Variants in MDN1 observed in about 807,000 individuals in gnomAD.
MDN1 encodes the protein midasin AAA ATPase 1, also known as midasin.
Under a neutral mutation model 669.2 loss-of-function variants are expected in MDN1, and 266 were observed. That is an observed-to-expected ratio of 0.40 (90% CI 0.36 to 0.44). The LOEUF (loss-of-function observed/expected upper bound fraction) is 0.44, where lower values mean the gene tolerates loss of function less well. Ranked by LOEUF, MDN1 falls within the 20% of genes least tolerant of loss-of-function variation. The pLI is 1.00. For synonymous variants in MDN1, 2,385 were observed against 2,457.1 expected (o/e 0.97, Z 0.87); for missense variants, 5,940 against 6,754.0 (o/e 0.88, Z 4.22).
At chr6:89,751,648 T>C in intron 22 of MDN1, 66 bp from the exon 23 acceptor site, 2 of 1,522,928 alleles carry the variant, frequency 1.3e-6, no homozygotes, top group South Asian at 2.5e-5. Context: ...GGGCATAAAG[T>C]AGGAAAACAG....
chr6:89,773,988 AG>A (rs1163303769), intron 13 of MDN1, among the ~76,000 whole-genome samples: 17 of 151,936 alleles, frequency 1.1e-4, no homozygotes, highest in African/African-American at 4.1e-4. Flanking sequence ...AAAAAAGAAA[AG>A]AAAAGAAAGA....
intron 73 of MDN1, among the ~76,000 whole-genome samples, chr6:89,682,177 G>A (rs1196330461): frequency 6.6e-6 from 1 of 152,170 alleles, no homozygotes; most frequent in South Asian, 2.1e-4. Flanking sequence ...AGCACATCAC[G>A]GCACATATTC....
chr6:89,691,286 G>T (rs1415677033), intron 63 of MDN1, among the ~76,000 whole-genome samples: 1 of 152,230 alleles, frequency 6.6e-6, no homozygotes. Context: ...AAACTGGAAT[G>T]TGTCTTACCA....
At chr6:89,670,752 G>A (rs139322355) in intron 83 of MDN1, among the ~76,000 whole-genome samples, 167 bp downstream of exon 83, 1 of 152,284 alleles carries the variant, frequency 6.6e-6, no homozygotes, top group East Asian at 1.9e-4. Flanking sequence ...TGGAAACAGC[G>A]TTAGCAAAAG....
intron 55 of MDN1, among the ~76,000 whole-genome samples, chr6:89,701,156 G>C (rs553171415): frequency 2.0e-5 from 3 of 152,160 alleles, no homozygotes; most frequent in Non-Finnish European, 2.9e-5. Flanking sequence ...TCAACCAACC[G>C]TGGGTCGAAA....
chr6:89,690,860 G>A (rs1311149803), intron 63 of MDN1, 26 bp from the exon 64 acceptor site: 9 of 1,609,484 alleles, frequency 5.6e-6, no homozygotes, highest in African/African-American at 2.7e-5. Context: ...ACAGAAAGAA[G>A]CTGAGCTTTC....
At chr6:89,753,676 C>A in intron 21 of MDN1, 54 bp from the exon 22 acceptor site, 1 of 1,376,176 alleles carries the variant, frequency 7.3e-7, no homozygotes, top group South Asian at 1.2e-5. Context: ...GCAATACAAC[C>A]AAACTTATTT....
chr6:89,671,113 C>T, intron 82 of MDN1, 33 bp from the exon 83 acceptor site: 1 of 1,599,330 alleles, frequency 6.3e-7, no homozygotes, highest in Non-Finnish European at 8.5e-7. Context: ...GGCCTGCTCA[C>T]ACTGCTTGGC....
chr6:89,781,619 T>A (rs747299206), intron 9 of MDN1, 27 bp from the exon 10 acceptor site: 1 of 1,523,786 alleles, frequency 6.6e-7, no homozygotes, highest in Non-Finnish European at 8.8e-7. Flanking sequence ...AAAAAGAAAA[T>A]TTAACAGCCA....
At chr6:89,789,267 C>T (rs1819129820) in intron 7 of MDN1, among the ~76,000 whole-genome samples, 1 of 152,194 alleles carries the variant, frequency 6.6e-6, no homozygotes, top group African/African-American at 2.4e-5. Context: ...TAATTTCTTA[C>T]ACACAGAAGT....
chr6:89,784,230 T>C (rs1018172303), intron 9 of MDN1, among the ~76,000 whole-genome samples: 6 of 151,876 alleles, frequency 4.0e-5, no homozygotes, highest in Admixed American at 2.6e-4. Context: ...GGCATGAGAA[T>C]TGCTTGAACC....
chr6:89,686,045 T>C, intron 69 of MDN1, 72 bp from the exon 70 acceptor site: 1 of 1,483,264 alleles, frequency 6.7e-7, no homozygotes, highest in Non-Finnish European at 9.2e-7. Context: ...ATGCACGCAA[T>C]CTATTTGGGA....
At chr6:89,696,208 G>A (rs1213906994) in intron 60 of MDN1, 152 bp downstream of exon 60, 3 of 1,065,616 alleles carry the variant, frequency 2.8e-6, no homozygotes, top group Admixed American at 2.5e-5. Flanking sequence ...CCAGCTCACG[G>A]TAGCCTGAAA....
rs752642619 is a variant in MDN1, at chr6:89,710,673, G to C, written c.7765+8C>G. On this transcript the variant is annotated splice_region_variant and intron_variant, in intron 50 of 101. Coordinates refer to ENST00000369393, the MANE Select transcript of MDN1 (RefSeq NM_014611.3). ...CAGTGCTGAGAGCTAGAAATCAAAA[G>C]TGCATACCTGTTGTATTTGGTTGTA... 6.7e-7 allele frequency: 1 copy of C among 1,493,370 alleles called. No homozygotes were observed. Among genetic ancestry groups the C allele is most frequent in the Non-Finnish European group, 9.1e-7 (1 of 1,099,220 alleles). 92.5% of individuals were successfully genotyped at this position (1,493,370 alleles called of 1,614,324 possible).
rs147669975 is a variant in MDN1 at position 89,644,394 on chromosome 6, C to T, written c.16603-201G>A. Among the ~76,000 whole-genome samples, 65 of 152,184 alleles carry T rather than the reference C, an allele frequency of 4.3e-4. No individual in the cohort carries two copies. In the East Asian group the frequency reaches 0.012, roughly 28 times the overall value. ...TAGATGTCTTTCTGAGTGCCCCTTCCAGGAGGATGGACACTGAAAAAAAGG... is the reference window on the plus strand; with the variant it reads ...TAGATGTCTTTCTGAGTGCCCCTTCTAGGAGGATGGACACTGAAAAAAAGG... On this transcript the variant is annotated intron_variant, in intron 101 of 101. Transcript: ENST00000369393.
chr6:89,701,698 C>T lies in MDN1; in HGVS notation c.8307-20G>A, dbSNP rs1322440155. Reference sequence around the variant, plus strand: ...TAATATCTTTAAAGGAGAACAAGGGCACAGGGGAAATAAGGAAAGGGGGAA... The same window carrying T: ...TAATATCTTTAAAGGAGAACAAGGGTACAGGGGAAATAAGGAAAGGGGGAA... On this transcript the variant is annotated intron_variant, in intron 54 of 101. Coordinates refer to ENST00000369393, the MANE Select transcript of MDN1 (RefSeq NM_014611.3). The T allele has an allele frequency of 6.2e-7, 1 of 1,605,832 alleles. No individual in the cohort carries two copies. Among genetic ancestry groups the T allele is most frequent in the East Asian group, 2.2e-5 (1 of 44,786 alleles).
intron 91 of MDN1, 111 bp from the exon 92 acceptor site, chr6:89,656,079 T>G: frequency 1.1e-6 from 1 of 924,592 alleles, no homozygotes; most frequent in Middle Eastern, 2.2e-4. Flanking sequence ...GGTGTAGCCA[T>G]ACAAGAATGG....
chr6:89,727,703 T>A (rs1384358493), intron 37 of MDN1, 130 bp downstream of exon 37: 9 of 1,419,580 alleles, frequency 6.3e-6, no homozygotes, highest in East Asian at 2.4e-5. Flanking sequence ...CTACAGAGGA[T>A]CTTTTCATTA....
At chr6:89,670,353 T>C (rs756451018) in intron 83 of MDN1, among the ~76,000 whole-genome samples, 4 of 150,792 alleles carry the variant, frequency 2.7e-5, no homozygotes, top group Non-Finnish European at 5.9e-5. Context: ...TTTTGTATTT[T>C]TAGTAGAGAT....
Sources: allele counts gnomAD v4.1 joint callset (sites outside exome capture counted in the v4.1 genomes callset), GRCh38; gene constraint gnomAD v4.1.1; transcripts MANE v1.5; gene names NCBI Gene and HGNC (gene_info 2026-07-23, HGNC 2026-07-21).